The following EPHA6 variants were observed in gnomAD, a reference collection of about 807,000 sequenced individuals.
The protein encoded by EPHA6 is EPH receptor A6.
EPHA6 carries 50 observed loss-of-function variants against 112.0 expected under a neutral mutation model. The ratio of observed to expected loss-of-function variants is 0.45; its 90% CI spans 0.36 to 0.56. The LOEUF is 0.56. Ranked by LOEUF, EPHA6 falls within the 20% of genes least tolerant of loss-of-function variation. The probability of loss-of-function intolerance (pLI) is 0.00; values close to 1 mark genes in which losing one functional copy is unlikely to be tolerated. For missense variants in EPHA6, 1,280 were observed against 1,417.4 expected (o/e 0.90, Z 1.56); for synonymous variants, 529 against 490.7 (o/e 1.08, Z -1.03).
At chr3:97,064,741 A>G (rs2046126596) in intron 3 of EPHA6, among the ~76,000 whole-genome samples, 1 of 152,120 alleles carries the variant, frequency 6.6e-6, no homozygotes, top group African/African-American at 2.4e-5. Context: ...ACCAAGTGAT[A>G]CTGGTCAGTG....
chr3:96,856,623 G>T, intron 1 of EPHA6, among the ~76,000 whole-genome samples: 1 of 152,206 alleles, frequency 6.6e-6, no homozygotes, highest in African/African-American at 2.4e-5. Flanking sequence ...ATTAATTCCT[G>T]TAAATAGAAA....
chr3:97,553,635 C>T (rs1183336902), intron 11 of EPHA6, among the ~76,000 whole-genome samples: 1 of 152,066 alleles, frequency 6.6e-6, no homozygotes, highest in African/African-American at 2.4e-5. Context: ...GAAACCGCCC[C>T]CGTGATCCAA....
chr3:97,572,096 C>CTATGTTGTT (rs891525659), intron 11 of EPHA6, among the ~76,000 whole-genome samples: 2 of 149,202 alleles, frequency 1.3e-5, no homozygotes, highest in Admixed American at 1.3e-4. Context: ...GACCAAAAAT[C>CTATGTTGTT]TATGTTGTTC....
chr3:97,592,582 T>C lies in EPHA6; in HGVS notation c.2387-30T>C, dbSNP rs775018957. On this transcript the variant is annotated intron_variant, in intron 11 of 17. Transcript: ENST00000389672. ...CAATGCTTTTCCATAAAGAAGACTTTGATTAATGTCAATTTTTATCTCTTA... is the reference window on the plus strand; with the variant it reads ...CAATGCTTTTCCATAAAGAAGACTTCGATTAATGTCAATTTTTATCTCTTA... The C allele has an allele frequency of 1.6e-5, 25 of 1,611,850 alleles. No individual in the cohort carries two copies. In the African/African-American group the frequency reaches 2.5e-4, roughly 16 times the overall value.
At chr3:97,227,513 C>T (rs1240994098) in intron 4 of EPHA6, among the ~76,000 whole-genome samples, 1 of 152,104 alleles carries the variant, frequency 6.6e-6, no homozygotes, top group African/African-American at 2.4e-5. Flanking sequence ...GAGCCACCGC[C>T]CCTGGCCGAA....
chr3:97,231,573 C>T lies in EPHA6; in HGVS notation c.1270+5154C>T, dbSNP rs139149230. On this transcript the variant is annotated intron_variant, in intron 4 of 17. Transcript: ENST00000389672. ...CCAGATGGTGAAGTTTATATACCCT[C>T]TTTGTAGGGGAAAGGAAATGGGGCA... Among the ~76,000 whole-genome samples, 319 of 152,150 alleles carry T rather than the reference C, an allele frequency of 2.1e-3. 1 individual carries two copies. The highest frequency in any genetic ancestry group is 6.7e-3 in the African/African-American group (279 of 41,512).
intron 1 of EPHA6, among the ~76,000 whole-genome samples, chr3:96,839,716 GA>G (rs1225615693): frequency 2.0e-5 from 3 of 151,992 alleles, no homozygotes; most frequent in Non-Finnish European, 4.4e-5. Context: ...CTAGGAATGT[GA>G]AAAAAAGATT....
chr3:97,257,838 A>G (rs892072703), intron 5 of EPHA6, among the ~76,000 whole-genome samples: 2 of 152,074 alleles, frequency 1.3e-5, no homozygotes, highest in Non-Finnish European at 2.9e-5. Context: ...GAATGAGAAT[A>G]ATGTTTACAA....
intron 2 of EPHA6, among the ~76,000 whole-genome samples, chr3:96,944,257 A>G (rs2041135377): frequency 6.6e-6 from 1 of 152,176 alleles, no homozygotes; most frequent in African/African-American, 2.4e-5. Context: ...TACATGATTT[A>G]TCAGCAGCTT....
intron 5 of EPHA6, among the ~76,000 whole-genome samples, chr3:97,324,475 C>CTTTCTTTCTTTTTT (rs2082313099): frequency 2.2e-5 from 1 of 46,100 alleles, no homozygotes; most frequent in Non-Finnish European, 5.1e-5. Flanking sequence ...CTTTCTTTTT[C>CTTTCTTTCTTTTTT]TTTCGTCTCT....
At chr3:97,361,982 T>C (rs2084397046) in intron 5 of EPHA6, among the ~76,000 whole-genome samples, 1 of 152,192 alleles carries the variant, frequency 6.6e-6, no homozygotes, top group Non-Finnish European at 1.5e-5. Context: ...TTTTTATTCA[T>C]TCAGAAAATA....
At chr3:97,531,050 T>C (rs896131483) in intron 10 of EPHA6, among the ~76,000 whole-genome samples, 1 of 152,060 alleles carries the variant, frequency 6.6e-6, no homozygotes, top group Non-Finnish European at 1.5e-5. Flanking sequence ...TTTTAATTTC[T>C]TTCATCCTTC....
chr3:96,962,990 C>A (rs2041999211), intron 2 of EPHA6, among the ~76,000 whole-genome samples: 1 of 151,780 alleles, frequency 6.6e-6, no homozygotes, highest in South Asian at 2.1e-4. Flanking sequence ...CCTGTCTCTA[C>A]AAAAAATACA....
intron 10 of EPHA6, among the ~76,000 whole-genome samples, chr3:97,508,154 T>C (rs182405299): frequency 2.6e-5 from 4 of 152,312 alleles, no homozygotes; most frequent in Admixed American, 2.6e-4. Flanking sequence ...TTTTTGTGTC[T>C]CTATCTCCTT....
At chr3:97,376,740 T>G (rs1009171339) in intron 5 of EPHA6, among the ~76,000 whole-genome samples, 1 of 152,168 alleles carries the variant, frequency 6.6e-6, no homozygotes, top group Non-Finnish European at 1.5e-5. Context: ...GGATTTATAC[T>G]CAACAGAAAA....
chr3:97,444,989 T>C (rs1461463892), intron 6 of EPHA6, among the ~76,000 whole-genome samples: 3 of 152,024 alleles, frequency 2.0e-5, no homozygotes, highest in East Asian at 1.9e-4. Context: ...AAGAGAACCA[T>C]AGGTAAAAGT....
At chr3:97,557,522 T>C (rs1423769823) in intron 11 of EPHA6, among the ~76,000 whole-genome samples, 3 of 151,970 alleles carry the variant, frequency 2.0e-5, no homozygotes, top group Non-Finnish European at 4.4e-5. Flanking sequence ...ATGGTCTCTT[T>C]TATCTTATAT....
chr3:97,011,942 A>G (rs1296475930), intron 3 of EPHA6, among the ~76,000 whole-genome samples: 1 of 152,084 alleles, frequency 6.6e-6, no homozygotes, highest in Non-Finnish European at 1.5e-5. Context: ...TTTACTTGGG[A>G]TAATGGCTTG....
chr3:97,251,761 G>A (rs893985219), intron 5 of EPHA6, among the ~76,000 whole-genome samples: 4 of 151,920 alleles, frequency 2.6e-5, no homozygotes, highest in African/African-American at 9.7e-5. Context: ...ACAGTCAGTC[G>A]TCTACATAAA....
Sources: gnomAD v4.1 joint callset for allele counts (sites outside exome capture counted in the v4.1 genomes callset) on GRCh38, gnomAD v4.1.1 for gene constraint, MANE v1.5 for transcripts, NCBI Gene and HGNC (gene_info 2026-07-23, HGNC 2026-07-21) for gene names.